Variants in TSPEAR observed in about 807,000 individuals in gnomAD.
TSPEAR encodes the protein thrombospondin-type laminin G domain and EAR repeat-containing protein.
Under a neutral mutation model 71.6 loss-of-function variants are expected in TSPEAR, and 69 were observed. That is an observed-to-expected ratio of 0.96 (90% confidence interval 0.79 to 1.18). TSPEAR has a LOEUF of 1.18. TSPEAR is among the 50% of genes most tolerant of loss of function. The probability of loss-of-function intolerance (pLI) is 0.00; values close to 1 mark genes in which losing one functional copy is unlikely to be tolerated. For missense variants in TSPEAR, 971 were observed against 894.9 expected (o/e 1.09, Z -1.09); for synonymous variants, 402 against 387.2 (o/e 1.04, Z -0.45).
At position 44,687,276 on chromosome 21, in the gene TSPEAR, G is replaced by A. The variant is rs539271333; in HGVS notation, c.82+24157C>T. Among the ~76,000 whole-genome samples, 1 of 152,278 alleles carries A rather than the reference G, an allele frequency of 6.6e-6. No homozygotes were observed. The highest frequency in any genetic ancestry group is 2.1e-4 in the South Asian group (1 of 4,822). On this transcript the variant is annotated intron_variant, in intron 1 of 11. Coordinates refer to ENST00000323084, the MANE Select transcript of TSPEAR (RefSeq NM_144991.3). The surrounding 1 kb of genome is among the most constrained non-coding windows in gnomAD (Gnocchi z 4.4). ...GGTCCCCTGAAAGCCAGGGCTCCCA[G>A]TGACACACTGGGCGCCTGGTGATTA...
chr21:44,512,393 G>A (rs924903531), intron 9 of TSPEAR, among the ~76,000 whole-genome samples: 17 of 151,822 alleles, frequency 1.1e-4, no homozygotes, highest in South Asian at 2.1e-4. Flanking sequence ...TGGTGGTCTT[G>A]GAGACAGGCT....
chr21:44,677,351 G>T, intron 1 of TSPEAR: 1 of 1,383,114 alleles, frequency 7.2e-7, no homozygotes, highest in Non-Finnish European at 1.0e-6. Context: ...TGTCCATGGC[G>T]GCTTTCAATA....
intron 1 of TSPEAR, chr21:44,627,590 G>A: frequency 6.2e-7 from 1 of 1,612,808 alleles, no homozygotes. Context: ...CAGCCGGCCT[G>A]CTGTGTGCCC....
At chr21:44,633,483 A>G (rs782598303) in intron 1 of TSPEAR, among the ~76,000 whole-genome samples, 5 of 152,194 alleles carry the variant, frequency 3.3e-5, no homozygotes, top group Non-Finnish European at 7.3e-5. Context: ...TTATTCTTCA[A>G]TCAACTGGTT....
intron 1 of TSPEAR, among the ~76,000 whole-genome samples, chr21:44,635,744 T>C (rs1555936540): frequency 6.6e-6 from 1 of 152,200 alleles, no homozygotes; most frequent in African/African-American, 2.4e-5. Flanking sequence ...TGCACAACAT[T>C]ATGACTGTAC....
chr21:44,679,618 G>A (rs1986484185), intron 1 of TSPEAR, among the ~76,000 whole-genome samples: 1 of 152,158 alleles, frequency 6.6e-6, no homozygotes, highest in African/African-American at 2.4e-5. Context: ...GAACAAACCT[G>A]TAGGTATCAC....
intron 1 of TSPEAR, among the ~76,000 whole-genome samples, chr21:44,669,724 C>G (rs117483397): frequency 6.6e-6 from 1 of 152,208 alleles, no homozygotes; most frequent in Non-Finnish European, 1.5e-5. Flanking sequence ...ACGGATCACC[C>G]GCAGGAGGTG....
chr21:44,707,990 C>G (rs1283005945), intron 1 of TSPEAR, among the ~76,000 whole-genome samples: 2 of 97,250 alleles, frequency 2.1e-5, no homozygotes. Context: ...GATTCCCCCC[C>G]TCCCCGCCCC....
intron 5 of TSPEAR, 106 bp from the exon 6 acceptor site, chr21:44,528,689 A>T (rs587706669): frequency 6.9e-7 from 1 of 1,450,760 alleles, no homozygotes; most frequent in Non-Finnish European, 9.2e-7. Flanking sequence ...CAGCCTCTGC[A>T]TGCGGGCCTG....
At chr21:44,574,797 C>T in intron 1 of TSPEAR, 1 of 1,614,128 alleles carries the variant, frequency 6.2e-7, no homozygotes, top group Non-Finnish European at 8.5e-7. Context: ...TAGCTGCCAG[C>T]CAGCTTGCTG....
At chr21:44,685,800 C>T (rs1405713572) in intron 1 of TSPEAR, among the ~76,000 whole-genome samples, 4 of 152,222 alleles carry the variant, frequency 2.6e-5, no homozygotes, top group African/African-American at 9.6e-5. Context: ...GTCCAGATCC[C>T]TGCACCTCTG....
rs1269838340 is a variant in TSPEAR at position 44,546,575 on chromosome 21, G to C, written c.304-12652C>G. Among the ~76,000 whole-genome samples the C allele has an allele frequency of 6.6e-6, 1 of 152,180 alleles. No homozygotes were observed. The highest frequency in any genetic ancestry group is 2.4e-5 in the African/African-American group (1 of 41,448). Reference sequence around the variant, plus strand: ...AATCTCCTGACCTCGTGATCCACCTGCCTTGGCCTCCCAAAGTGCTGGGAT... The same window carrying C: ...AATCTCCTGACCTCGTGATCCACCTCCCTTGGCCTCCCAAAGTGCTGGGAT... On this transcript the variant is annotated intron_variant, in intron 2 of 11. Transcript: ENST00000323084. This position sits in a 1 kb window ranked among gnomAD's most constrained non-coding sequence, Gnocchi z 4.4.
Position 44,599,170 on chromosome 21 carries a change from C to CAATG in TSPEAR, c.83-31166_83-31165insCATT, listed in dbSNP as rs1555928002. Among the ~76,000 whole-genome samples the CAATG allele has an allele frequency of 1.6e-3, 196 of 124,488 alleles. 3 individuals carry two copies. The highest frequency in any genetic ancestry group is 5.8e-3 in the African/African-American group (161 of 27,694). The allele number at this position is 124,488 out of a possible 152,430, so 81.7% of individuals were successfully genotyped here. On this transcript the variant is annotated intron_variant, in intron 1 of 11. Transcript: ENST00000323084. ...TCTCTCTCTCTCTCTCTCTCTCTCTCTCCTTCCATCCCATAGGACCAGATC... is the reference window on the plus strand; with the variant it reads ...TCTCTCTCTCTCTCTCTCTCTCTCTCAATGTCCTTCCATCCCATAGGACCAGATC...
intron 1 of TSPEAR, among the ~76,000 whole-genome samples, chr21:44,619,185 C>A (rs1555933087): frequency 6.6e-6 from 1 of 152,224 alleles, no homozygotes; most frequent in Non-Finnish European, 1.5e-5. Flanking sequence ...CAGAGCCCAG[C>A]TACAAACCCT....
chr21:44,621,567 C>T, intron 1 of TSPEAR, among the ~76,000 whole-genome samples: 1 of 152,194 alleles, frequency 6.6e-6, no homozygotes, highest in East Asian at 1.9e-4. Context: ...CCACGTGGCC[C>T]CCTGGGCAGC....
intron 1 of TSPEAR, chr21:44,601,209 C>T (rs782483881): frequency 1.9e-6 from 3 of 1,602,748 alleles, no homozygotes; most frequent in Admixed American, 1.7e-5. Flanking sequence ...CCAGCCCCTG[C>T]CAATCAGGCT....
intron 9 of TSPEAR, chr21:44,519,031 T>G (rs1227371832): frequency 1.8e-5 from 3 of 163,218 alleles, no homozygotes; most frequent in South Asian, 1.3e-4. Context: ...GCTTTTGTTG[T>G]TTTTTTTTTG....
At chr21:44,699,828 C>T (rs1987566553) in intron 1 of TSPEAR, among the ~76,000 whole-genome samples, 1 of 152,222 alleles carries the variant, frequency 6.6e-6, no homozygotes, top group African/African-American at 2.4e-5. Flanking sequence ...GAAGCTGCAT[C>T]TGGGCACATC....
intron 1 of TSPEAR, among the ~76,000 whole-genome samples, chr21:44,609,905 C>A (rs1426790693): frequency 2.6e-5 from 4 of 152,142 alleles, no homozygotes; most frequent in Non-Finnish European, 5.9e-5. Flanking sequence ...TGGTGATAAA[C>A]TAGAGAAAGT....
Sources: allele counts gnomAD v4.1 joint callset (sites outside exome capture counted in the v4.1 genomes callset), GRCh38; gene constraint gnomAD v4.1.1; non-coding constraint Gnocchi (gnomAD v3.1); transcripts MANE v1.5; gene names NCBI Gene and HGNC (gene_info 2026-07-23, HGNC 2026-07-21).